Variants in MORC1 observed in about 807,000 individuals in gnomAD.
MORC1 encodes MORC family CW-type zinc finger 1.
A neutral mutation model predicts 134.9 loss-of-function variants in MORC1; 59 were observed. The observed-to-expected ratio is 0.44, with a 90% CI of 0.35 to 0.54. The LOEUF (loss-of-function observed/expected upper bound fraction) is 0.54, where lower values mean the gene tolerates loss of function less well. MORC1 is among the 20% of genes least tolerant of loss of function. The pLI is 0.00. For missense variants in MORC1, 947 were observed against 1,134.5 expected (o/e 0.83, Z 2.37); for synonymous variants, 395 against 391.7 (o/e 1.01, Z -0.10).
At position 109,004,863 on chromosome 3, in the gene MORC1, G is replaced by A. The variant is rs1306694317; in HGVS notation, c.2039C>T (p.Thr680Ile). 6.2e-7 allele frequency: 1 copy of A among 1,613,630 alleles called. No homozygotes were observed. The highest frequency in any genetic ancestry group is 1.6e-4 in the Middle Eastern group (1 of 6,062). ...TTCAGTTGGTTGAGCTCTCCAGACA[G>A]TGGTAATATTAGCAATCTGACTTCT... ...SQRSQIANIT[T>I]VWRAQPTEGC... The change falls in exon 20 of 28, where the codon ACT (threonine) becomes ATT (isoleucine). Residue 680 changes from threonine to isoleucine, a missense_variant. By Grantham distance (89) the Thr-to-Ile change is moderately conservative (BLOSUM62 -1). Coordinates refer to ENST00000232603, the MANE Select transcript of MORC1 (RefSeq NM_014429.4).
At chr3:109,069,790 G>A in intron 8 of MORC1, 33 bp from the exon 9 acceptor site, 1 of 1,584,854 alleles carries the variant, frequency 6.3e-7, no homozygotes, top group Non-Finnish European at 8.6e-7. Context: ...TCACAATACA[G>A]AGGACACAAC....
At chr3:109,106,091 A>G (rs1018908817) in intron 3 of MORC1, among the ~76,000 whole-genome samples, 45 of 152,226 alleles carry the variant, frequency 3.0e-4, no homozygotes, top group African/African-American at 1.1e-3. Context: ...ATTGAAATCA[A>G]CTAGAGATAT....
intron 17 of MORC1, among the ~76,000 whole-genome samples, chr3:109,013,905 T>C (rs1948756327): frequency 6.6e-6 from 1 of 152,072 alleles, no homozygotes; most frequent in Non-Finnish European, 1.5e-5. Context: ...TTGCCTTCTT[T>C]CCCTCCCTTG....
At chr3:109,033,996 C>T (rs1949310974) in intron 15 of MORC1, among the ~76,000 whole-genome samples, 1 of 152,078 alleles carries the variant, frequency 6.6e-6, no homozygotes, top group African/African-American at 2.4e-5. Flanking sequence ...AACTGTTATC[C>T]ATTATTATTA....
At chr3:108,978,146 G>A (rs1947615276) in intron 24 of MORC1, among the ~76,000 whole-genome samples, 1 of 152,130 alleles carries the variant, frequency 6.6e-6, no homozygotes, top group Non-Finnish European at 1.5e-5. Flanking sequence ...CAAAGTGCTG[G>A]GATTACAGGC....
At chr3:109,043,179 GGCAAAATGT>G (rs1378431991) in intron 14 of MORC1, among the ~76,000 whole-genome samples, 695 of 26,588 alleles carry the variant, frequency 0.026, 16 homozygotes, top group South Asian at 0.049. Flanking sequence ...AGCAAAATGT[GGCAAAATGT>G]GGGGGGGGGG....
At chr3:109,105,300 G>A (rs765213466) in intron 3 of MORC1, among the ~76,000 whole-genome samples, 6 of 152,158 alleles carry the variant, frequency 3.9e-5, no homozygotes, top group Admixed American at 6.5e-5. Flanking sequence ...CAAGGTGGGC[G>A]GATCACGAGG....
chr3:109,092,786 G>A (rs1005727473), intron 8 of MORC1, among the ~76,000 whole-genome samples: 7 of 151,854 alleles, frequency 4.6e-5, no homozygotes, highest in East Asian at 3.9e-4. Flanking sequence ...AAAATAAATC[G>A]CACTGGATTA....
rs1442911645 is a variant in MORC1, at chr3:109,051,090, A to C, written c.1330+3638T>G. ...TCTATTTTATTGTAAGGATGTATAAAGCTTCAGAAAACATAGTAGCAGACA... is the reference window on the plus strand; with the variant it reads ...TCTATTTTATTGTAAGGATGTATAACGCTTCAGAAAACATAGTAGCAGACA... On this transcript the variant is annotated intron_variant, in intron 14 of 27. Transcript: ENST00000232603. Among the ~76,000 whole-genome samples, 3 of 152,258 alleles carry C rather than the reference A, an allele frequency of 2.0e-5. No individual in the cohort carries two copies. The East Asian group carries it at 5.8e-4, about 29-fold the overall frequency.
intron 8 of MORC1, among the ~76,000 whole-genome samples, chr3:109,080,674 A>G (rs1374364463): frequency 6.6e-6 from 1 of 152,216 alleles, no homozygotes; most frequent in Non-Finnish European, 1.5e-5. Flanking sequence ...AAATCCCAAG[A>G]GCATTTTATA....
rs531687363 is a variant in MORC1 at position 108,987,975 on chromosome 3, A to G, written c.2188-1026T>C. 1.2e-4 allele frequency among the ~76,000 whole-genome samples: 19 copies of G among 152,174 alleles called. No homozygotes were observed. The East Asian group carries it at 3.3e-3, about 26-fold the overall frequency. ...AACACGCACTGATACGCACGCAACC[A>G]TGTCCCCATCTGTTACTTCATGTAA... On this transcript the variant is annotated intron_variant, in intron 21 of 27. Transcript: ENST00000232603.
At chr3:109,024,001 C>A (rs1949018909) in intron 17 of MORC1, among the ~76,000 whole-genome samples, 1 of 152,158 alleles carries the variant, frequency 6.6e-6, no homozygotes, top group African/African-American at 2.4e-5. Flanking sequence ...CAATTTATAA[C>A]AAGGATCTTG....
chr3:109,084,498 C>T lies in MORC1; in HGVS notation c.689+8938G>A, dbSNP rs534346996. 5.9e-5 allele frequency among the ~76,000 whole-genome samples: 9 copies of T among 151,990 alleles called. No individual in the cohort carries two copies. The South Asian group carries it at 1.9e-3, about 32-fold the overall frequency. ...AATTATAAAATACTTATGAAAGAAA[C>T]TGAAGAGAATTTGAAACATAATGGA... On this transcript the variant is annotated intron_variant, in intron 8 of 27. Coordinates refer to ENST00000232603, the MANE Select transcript of MORC1 (RefSeq NM_014429.4).
chr3:109,062,834 C>T (rs989624743), intron 10 of MORC1, among the ~76,000 whole-genome samples: 1 of 152,134 alleles, frequency 6.6e-6, no homozygotes, highest in African/African-American at 2.4e-5. Context: ...AAGTAATTCT[C>T]CCATCTTGTC....
intron 17 of MORC1, 89 bp from the exon 18 acceptor site, chr3:109,007,180 T>C: frequency 2.0e-6 from 2 of 991,662 alleles, no homozygotes; most frequent in Non-Finnish European, 3.0e-6. Flanking sequence ...CTCCATTTCT[T>C]AAAGAAGGGT....
chr3:109,049,251 G>T, intron 14 of MORC1: 1 of 416,220 alleles, frequency 2.4e-6, no homozygotes, highest in African/African-American at 2.2e-5. Flanking sequence ...CTACATCCAG[G>T]TACTACAGCA....
chr3:109,012,259 T>C (rs1381409897), intron 17 of MORC1, among the ~76,000 whole-genome samples: 1 of 152,198 alleles, frequency 6.6e-6, no homozygotes, highest in South Asian at 2.1e-4. Context: ...GCTGGCTATA[T>C]ACATGTGGGT....
intron 17 of MORC1, among the ~76,000 whole-genome samples, chr3:109,017,528 A>G (rs190984910): frequency 1.2e-4 from 19 of 152,322 alleles, no homozygotes; most frequent in Admixed American, 9.1e-4. Flanking sequence ...GATTTCCACT[A>G]ATAGATACAT....
chr3:109,037,837 TATC>T (rs1488602367), intron 14 of MORC1, among the ~76,000 whole-genome samples: 1 of 152,220 alleles, frequency 6.6e-6, no homozygotes, highest in Non-Finnish European at 1.5e-5. Context: ...TTATCTAGTC[TATC>T]ATTGATGGAC....
Sources: allele counts gnomAD v4.1 joint callset (sites outside exome capture counted in the v4.1 genomes callset), GRCh38; gene constraint gnomAD v4.1.1; transcripts MANE v1.5; gene names NCBI Gene and HGNC (gene_info 2026-07-23, HGNC 2026-07-21).